Variants in SCAPER observed in about 807,000 individuals in gnomAD.
SCAPER encodes the protein S-phase cyclin A associated protein in the ER.
In SCAPER, 98 loss-of-function variants were observed where a neutral mutation model predicts 182.2. The ratio of observed to expected loss-of-function variants is 0.54; its 90% confidence interval spans 0.46 to 0.64. The LOEUF (loss-of-function observed/expected upper bound fraction) is 0.64, where lower values mean the gene tolerates loss of function less well. SCAPER is among the 30% of genes least tolerant of loss of function. SCAPER has a pLI of 0.00. For synonymous variants in SCAPER, 605 were observed against 564.6 expected, an observed-to-expected ratio of 1.07 and a Z score of -1.01; for missense variants, 1,432 against 1,690.0, an observed-to-expected ratio of 0.85 and a Z score of 2.68.
At chr15:76,634,127 G>A (rs2053395353) in intron 21 of SCAPER, among the ~76,000 whole-genome samples, 1 of 152,258 alleles carries the variant, frequency 6.6e-6, no homozygotes, top group Non-Finnish European at 1.5e-5. Flanking sequence ...GTGGGCTCAT[G>A]AGGGGACCTC....
At chr15:76,702,095 G>A (rs745498297) in intron 19 of SCAPER, among the ~76,000 whole-genome samples, 18 of 151,994 alleles carry the variant, frequency 1.2e-4, no homozygotes, top group Non-Finnish European at 2.2e-4. Context: ...CCTGGGAGGC[G>A]GAGGTTGCAG....
chr15:76,771,894 G>C lies in SCAPER; in HGVS notation c.1096C>G (p.Arg366Gly). The C allele has an allele frequency of 1.2e-6, 2 of 1,612,794 alleles. No individual in the cohort carries two copies. Among genetic ancestry groups the C allele is most frequent in the Non-Finnish European group, 1.7e-6 (2 of 1,179,410 alleles). Residue 366 changes from arginine (R) to glycine (G), a missense_variant, in exon 10 of 32, where the codon CGA (arginine) becomes GGA (glycine). Arg to Gly is a moderately radical substitution (Grantham distance 125). This residue lies in a region of SCAPER where 480 missense variants were observed against 510.2 expected (regional missense o/e 0.94). Coordinates refer to ENST00000563290, the MANE Select transcript of SCAPER (RefSeq NM_020843.4). ...TGGACAGCAGATATTTCAGAAGTTC[G>C]AACATAATTGTCTCGAATACTGCCA... Reference protein sequence around the residue: ...NSGSIRDNYVRTSEISAVHID... With the variant: ...NSGSIRDNYVGTSEISAVHID...
At chr15:76,385,870 C>G (rs1013859292) in intron 27 of SCAPER, among the ~76,000 whole-genome samples, 8 of 152,200 alleles carry the variant, frequency 5.3e-5, no homozygotes, top group African/African-American at 1.7e-4. Flanking sequence ...TTTCCTATTG[C>G]TGCTGGAATA....
intron 2 of SCAPER, among the ~76,000 whole-genome samples, chr15:76,875,096 T>A (rs916316795): frequency 4.6e-5 from 7 of 152,172 alleles, no homozygotes; most frequent in Non-Finnish European, 7.3e-5. Context: ...AAAATCTGAA[T>A]AGTTACTGAA....
chr15:76,708,124 T>C (rs777625156), intron 17 of SCAPER, among the ~76,000 whole-genome samples: 7 of 152,178 alleles, frequency 4.6e-5, no homozygotes, highest in Non-Finnish European at 1.0e-4. Context: ...AATGGCATAG[T>C]ATTTGCACAA....
rs186466940 is a variant in SCAPER at position 76,633,135 on chromosome 15, G to A, written c.2646-11306C>T. On this transcript the variant is annotated intron_variant, in intron 21 of 31. Transcript: ENST00000563290. ...GGTCTTTTTCATTGATGTTGTTGTT[G>A]CTCTTGCTTTCTATTTGTCTTTTCA... 2.3e-3 allele frequency among the ~76,000 whole-genome samples: 354 copies of A among 152,130 alleles called. 2 individuals are homozygous for A. The highest frequency in any genetic ancestry group is 8.1e-3 in the African/African-American group (336 of 41,500).
chr15:76,503,699 GA>G (rs1316047943), intron 24 of SCAPER, among the ~76,000 whole-genome samples: 2 of 152,154 alleles, frequency 1.3e-5, no homozygotes, highest in Non-Finnish European at 2.9e-5. Flanking sequence ...CAGATGCAAT[GA>G]AATTAAGGCA....
intron 4 of SCAPER, among the ~76,000 whole-genome samples, chr15:76,856,814 A>T (rs1231454005): frequency 6.6e-6 from 1 of 152,050 alleles, no homozygotes; most frequent in Non-Finnish European, 1.5e-5. Flanking sequence ...TCATTCTGTG[A>T]GCTCTGATTG....
chr15:76,493,794 A>C (rs1243413670), intron 24 of SCAPER, among the ~76,000 whole-genome samples: 1 of 152,178 alleles, frequency 6.6e-6, no homozygotes, highest in Non-Finnish European at 1.5e-5. Flanking sequence ...TAATTTCTTT[A>C]ATCTTATTAG....
In SCAPER at chr15:76,771,938, A is replaced by C; in HGVS notation, c.1052T>G (p.Leu351Trp). ...ACTGCCAGAATTCTTCACATCATCC[A>C]ATGTACTCACTGTGAACTAACAAAA... ...AEKTQFTVST[L>W]DDVKNSGSIR... Residue 351 changes from leucine (L) to tryptophan (W), a missense_variant, in exon 10 of 32, where the codon TTG (leucine) becomes TGG (tryptophan). Transcript: ENST00000563290. 1 of 1,610,394 alleles carries C rather than the reference A, an allele frequency of 6.2e-7. No homozygotes were observed. The highest frequency in any genetic ancestry group is 8.5e-7 in the Non-Finnish European group (1 of 1,178,822).
At chr15:76,611,771 G>A (rs2051019312) in intron 22 of SCAPER, among the ~76,000 whole-genome samples, 1 of 152,122 alleles carries the variant, frequency 6.6e-6, no homozygotes, top group South Asian at 2.1e-4. Context: ...TCAACCCCAG[G>A]ATGCAAGGTT....
At position 76,667,641 on chromosome 15, in the gene SCAPER, A is replaced by ACAAAC. The variant is rs1567746673; in HGVS notation, c.2509-1853_2509-1852insGTTTG. Reference sequence around the variant, plus strand: ...ACTCAGTCTCAAAAAAAAAAAAAAAAAAAAAAAAAAAAAAAAAAAAACGCT... The same window carrying ACAAAC: ...ACTCAGTCTCAAAAAAAAAAAAAAAACAAACAAAAAAAAAAAAAAAAAAAAACGCT... On this transcript the variant is annotated intron_variant, in intron 20 of 31. Coordinates refer to ENST00000563290, the MANE Select transcript of SCAPER (RefSeq NM_020843.4). 1.4e-4 allele frequency among the ~76,000 whole-genome samples: 14 copies of ACAAAC among 102,482 alleles called. 1 individual carries two copies. The highest frequency in any genetic ancestry group is 6.0e-4 in the African/African-American group (13 of 21,510). 67.2% of individuals were successfully genotyped at this position (102,482 alleles called of 152,430 possible).
intron 27 of SCAPER, among the ~76,000 whole-genome samples, chr15:76,394,446 G>A (rs1292079586): frequency 1.2e-4 from 19 of 152,222 alleles, no homozygotes; most frequent in Admixed American, 1.2e-3. Flanking sequence ...CAGGAGGAGA[G>A]ATTAGAGATG....
chr15:76,405,067 C>T, intron 26 of SCAPER, among the ~76,000 whole-genome samples: 1 of 149,074 alleles, frequency 6.7e-6, no homozygotes, highest in Non-Finnish European at 1.5e-5. Flanking sequence ...TTAGAAGATA[C>T]AGTACAATGA....
intron 24 of SCAPER, among the ~76,000 whole-genome samples, chr15:76,474,233 G>C (rs2050438609): frequency 6.6e-6 from 1 of 152,170 alleles, no homozygotes; most frequent in Non-Finnish European, 1.5e-5. Context: ...TTGATGTGCA[G>C]CCAGAGTTAT....
At chr15:76,599,400 A>C (rs1391270143) in intron 22 of SCAPER, among the ~76,000 whole-genome samples, 1 of 122,126 alleles carries the variant, frequency 8.2e-6, no homozygotes, top group African/African-American at 2.5e-5. Context: ...GACTTTGCAC[A>C]TTCATGCCTA....
chr15:76,479,027 C>T (rs191085402), intron 24 of SCAPER, among the ~76,000 whole-genome samples: 2 of 152,232 alleles, frequency 1.3e-5, no homozygotes, highest in African/African-American at 4.8e-5. Flanking sequence ...CGGTATGGGA[C>T]TAATGTCCTA....
At chr15:76,625,619 G>A (rs890408131) in intron 21 of SCAPER, among the ~76,000 whole-genome samples, 3 of 152,136 alleles carry the variant, frequency 2.0e-5, no homozygotes, top group African/African-American at 7.2e-5. Context: ...GGCAGACTCT[G>A]ATTGTGGCAC....
chr15:76,682,802 C>T (rs1433849956), intron 20 of SCAPER, among the ~76,000 whole-genome samples: 1 of 152,112 alleles, frequency 6.6e-6, no homozygotes, highest in Non-Finnish European at 1.5e-5. Flanking sequence ...TAGTTGAGCT[C>T]TGGCCCCCTA....
Sources: allele counts gnomAD v4.1 joint callset (sites outside exome capture counted in the v4.1 genomes callset), GRCh38; gene constraint gnomAD v4.1.1; regional missense constraint gnomAD v4.1.1; transcripts MANE v1.5; gene names NCBI Gene and HGNC (gene_info 2026-07-23, HGNC 2026-07-21).